The following CCDC171 variants were observed in gnomAD, a reference collection of about 807,000 sequenced individuals.
CCDC171 encodes the protein coiled-coil domain-containing protein 171.
A neutral mutation model predicts 168.2 loss-of-function variants in CCDC171; 177 were observed. The observed-to-expected ratio is 1.05, with a 90% CI of 0.93 to 1.19. The LOEUF is 1.19. Among genes scored for constraint, CCDC171 ranks in the 50% most tolerant of loss-of-function variants. The pLI, the probability that CCDC171 is intolerant of heterozygous loss-of-function variation, is 0.00. For synonymous variants in CCDC171, 687 were observed against 540.8 expected (o/e 1.27, Z -3.75); for missense variants, 1,991 against 1,539.0 (o/e 1.29, Z -4.91).
chr9:15,829,888 C>A (rs1250796241), intron 21 of CCDC171, among the ~76,000 whole-genome samples: 1 of 152,148 alleles, frequency 6.6e-6, no homozygotes, highest in African/African-American at 2.4e-5. Flanking sequence ...CCACTGCACT[C>A]CAGCCTGGAC....
intron 8 of CCDC171, among the ~76,000 whole-genome samples, chr9:15,662,631 G>A (rs1028409468): frequency 6.6e-6 from 1 of 152,060 alleles, no homozygotes; most frequent in African/African-American, 2.4e-5. Flanking sequence ...TGTATCTTGA[G>A]CATTAGGATA....
At chr9:15,977,656 G>A (rs1398071479), downstream of CCDC171, among the ~76,000 whole-genome samples, 1 of 152,176 alleles carries the variant, frequency 6.6e-6, no homozygotes, top group East Asian at 1.9e-4. Context: ...CCAGTGAAAT[G>A]CTGATTGTTG....
Position 15,750,050 on chromosome 9 carries a change from T to A in CCDC171, c.2671+4419T>A, listed in dbSNP as rs570325531. 1.1e-3 allele frequency among the ~76,000 whole-genome samples: 159 copies of A among 149,450 alleles called. 1 individual carries two copies. Among genetic ancestry groups the A allele is most frequent in the African/African-American group, 3.7e-3 (149 of 40,486 alleles). On this transcript the variant is annotated intron_variant, in intron 18 of 25. Coordinates refer to ENST00000380701, the MANE Select transcript of CCDC171 (RefSeq NM_173550.4). The stretch of plus-strand genomic sequence containing the variant: ...TGAATCCAGGAGCTGTTTTTTTTTT[T>A]AAAAGATCAACAAAATAGACTGCTA...
intron 6 of CCDC171, among the ~76,000 whole-genome samples, chr9:15,610,683 G>A (rs901673645): frequency 5.3e-5 from 8 of 150,856 alleles, no homozygotes; most frequent in East Asian, 3.9e-4. Context: ...TCAGCCTCTC[G>A]AATACCTGGG....
chr9:15,657,374 T>A, intron 8 of CCDC171, 155 bp downstream of exon 8: 1 of 495,670 alleles, frequency 2.0e-6, no homozygotes, highest in Non-Finnish European at 3.8e-6. Flanking sequence ...TAGGATACAG[T>A]TGAGATATGC....
At chr9:15,894,550 A>G (rs962341367) in intron 24 of CCDC171, among the ~76,000 whole-genome samples, 1 of 152,028 alleles carries the variant, frequency 6.6e-6, no homozygotes, top group Non-Finnish European at 1.5e-5. Context: ...TGGGCTCTTC[A>G]TGATCTGGGC....
chr9:15,566,557 TCAA>T (rs373782496), intron 2 of CCDC171, among the ~76,000 whole-genome samples: 9 of 152,154 alleles, frequency 5.9e-5, no homozygotes, highest in East Asian at 3.8e-4. Context: ...AGACTTTGTC[TCAA>T]CAACAACAAC....
chr9:15,767,826 T>TCCCCCCCC (rs1456088083), intron 18 of CCDC171, among the ~76,000 whole-genome samples: 1 of 184 alleles, frequency 5.4e-3, no homozygotes, highest in African/African-American at 0.028. Context: ...TTCTTTTCTT[T>TCCCCCCCC]CCCTCCTTCC....
chr9:15,580,245 C>G (rs2041006132), intron 4 of CCDC171, among the ~76,000 whole-genome samples: 1 of 152,086 alleles, frequency 6.6e-6, no homozygotes, highest in Non-Finnish European at 1.5e-5. Context: ...AATCTAAGTC[C>G]TGAAACCATA....
At chr9:15,970,533 C>A (rs1374801308) in intron 25 of CCDC171, among the ~76,000 whole-genome samples, 1 of 152,002 alleles carries the variant, frequency 6.6e-6, no homozygotes, top group Non-Finnish European at 1.5e-5. Context: ...TATTTTCCTG[C>A]CATCTTTAAA....
Position 15,817,401 on chromosome 9 carries a change from C to T in CCDC171, c.3268-29301C>T, listed in dbSNP as rs1008385492. The stretch of plus-strand genomic sequence containing the variant: ...TGAGCCGAAGCAGGGCGAGGCATTG[C>T]GTCACCCGGGAAGCACAAGGGGTCA... On this transcript the variant is annotated intron_variant, in intron 21 of 25. Transcript: ENST00000380701. 3.4e-5 allele frequency among the ~76,000 whole-genome samples: 4 copies of T among 118,088 alleles called. No homozygotes were observed. The South Asian group carries it at 8.3e-4, about 25-fold the overall frequency. 77.5% of individuals were successfully genotyped at this position (118,088 alleles called of 152,430 possible).
At chr9:15,642,815 G>A (rs2046747723) in intron 7 of CCDC171, among the ~76,000 whole-genome samples, 1 of 151,976 alleles carries the variant, frequency 6.6e-6, no homozygotes, top group African/African-American at 2.4e-5. Context: ...TTTGCTCTAA[G>A]CAGGAAAAAC....
chr9:15,627,308 T>A (rs1176459697), intron 7 of CCDC171, among the ~76,000 whole-genome samples: 1 of 152,194 alleles, frequency 6.6e-6, no homozygotes, highest in African/African-American at 2.4e-5. Flanking sequence ...TTTTTGTGTC[T>A]TTATCTCTTT....
intron 3 of CCDC171, among the ~76,000 whole-genome samples, chr9:16,000,509 A>G (rs984559156): frequency 6.6e-6 from 1 of 152,174 alleles, no homozygotes; most frequent in Non-Finnish European, 1.5e-5. Flanking sequence ...TGTTGAAGTG[A>G]GGTCATCAGC....
At chr9:16,102,081 G>C in the CCDC171 span, among the ~76,000 whole-genome samples, 1 of 152,212 alleles carries the variant, frequency 6.6e-6, no homozygotes, top group African/African-American at 2.4e-5. Context: ...CCTGCATCCT[G>C]TGGTCTCCAG....
At chr9:15,678,685 T>G (rs1228786444) in intron 9 of CCDC171, 73 bp from the exon 10 acceptor site, 1 of 1,226,776 alleles carries the variant, frequency 8.2e-7, no homozygotes, top group Non-Finnish European at 1.1e-6. Flanking sequence ...ATCTGCCATA[T>G]GTATTAAAGG....
At chr9:16,050,917 T>C (rs954439873) in intron 1 of CCDC171, among the ~76,000 whole-genome samples, 1 of 152,200 alleles carries the variant, frequency 6.6e-6, no homozygotes, top group Non-Finnish European at 1.5e-5. Flanking sequence ...TTACCAACCA[T>C]AGTGAAGCAC....
At chr9:15,937,063 G>A (rs568802342) in intron 25 of CCDC171, among the ~76,000 whole-genome samples, 18 of 152,122 alleles carry the variant, frequency 1.2e-4, no homozygotes, top group African/African-American at 3.4e-4. Flanking sequence ...GTTTTGAATA[G>A]TATTTTTAAA....
intron 21 of CCDC171, among the ~76,000 whole-genome samples, chr9:15,810,165 G>C (rs1255967528): frequency 6.6e-6 from 1 of 151,806 alleles, no homozygotes. Context: ...CCTCTAGCTA[G>C]ACACAAAGTT....
Sources: allele counts gnomAD v4.1 joint callset (sites outside exome capture counted in the v4.1 genomes callset), GRCh38; gene constraint gnomAD v4.1.1; transcripts MANE v1.5; gene names NCBI Gene and HGNC (gene_info 2026-07-23, HGNC 2026-07-21).